C11orf97: variants seen among roughly 807,000 people sequenced by gnomAD.
C11orf97 encodes the protein uncharacterized protein C11orf97.
Under a neutral mutation model 16.2 loss-of-function variants are expected in C11orf97, and 15 were observed. The ratio of observed to expected loss-of-function variants is 0.93; its 90% CI spans 0.62 to 1.43. C11orf97 has a LOEUF of 1.43. Among genes scored for constraint, C11orf97 ranks in the 40% most tolerant of loss-of-function variants. The pLI, the probability that C11orf97 is intolerant of heterozygous loss-of-function variation, is 0.00. For synonymous variants in C11orf97, 61 were observed against 65.7 expected (o/e 0.93, Z 0.34); for missense variants, 171 against 161.2 (o/e 1.06, Z -0.33).
At chr11:94,512,785 G>A in intron 1 of C11orf97, 112 bp downstream of exon 1, 2 of 1,131,086 alleles carry the variant, frequency 1.8e-6, no homozygotes, top group Non-Finnish European at 2.2e-6. Flanking sequence ...TGGGGCAGGG[G>A]AGGTGGAGCT....
chr11:94,514,454 A>G (rs1184293011), intron 1 of C11orf97, among the ~76,000 whole-genome samples: 1 of 152,122 alleles, frequency 6.6e-6, no homozygotes, highest in East Asian at 1.9e-4. Context: ...GTCTGTAATT[A>G]TTGGAAAAGT....
intron 1 of C11orf97, among the ~76,000 whole-genome samples, chr11:94,516,244 G>C (rs1947610652): frequency 6.6e-6 from 1 of 152,106 alleles, no homozygotes; most frequent in Non-Finnish European, 1.5e-5. Context: ...GTTGTTTATT[G>C]ATTAGTCTGG....
chr11:94,512,944 AACAC>A lies in C11orf97; in HGVS notation c.145+291_145+294del, dbSNP rs10560506. 3.3e-3 allele frequency among the ~76,000 whole-genome samples: 500 copies of A among 150,484 alleles called. 1 individual carries two copies. Among genetic ancestry groups the A allele is most frequent in the African/African-American group, 0.011 (444 of 41,074 alleles). ...TAGTGGCGTTATTCTGAAAGGAATT[AACAC>A]ACACACACACACACACACATTTATA... On this transcript the variant is annotated intron_variant, in intron 1 of 3. Transcript: ENST00000542198.
intron 3 of C11orf97, among the ~76,000 whole-genome samples, chr11:94,530,066 A>C (rs960943895): frequency 1.3e-5 from 2 of 152,230 alleles, no homozygotes; most frequent in Non-Finnish European, 2.9e-5. Context: ...TTAAAGACAT[A>C]CAAGTCCAAT....
In C11orf97 at chr11:94,531,978, T is replaced by A. The variant is rs1162966646; in HGVS notation, c.*78T>A. 2 of 1,263,962 alleles carry A rather than the reference T, an allele frequency of 1.6e-6. No homozygotes were observed. The highest frequency in any genetic ancestry group is 2.1e-6 in the Non-Finnish European group (2 of 951,194). 78.3% of individuals were successfully genotyped at this position (1,263,962 alleles called of 1,614,324 possible). The stretch of plus-strand genomic sequence containing the variant: ...AACGGAGAAGAAACTCAAGCTTGTT[T>A]CAGGATTTAAGATGTGTGCAAAAAA... On this transcript the variant is annotated 3_prime_UTR_variant, in exon 4 of 4. Coordinates refer to ENST00000542198, the MANE Select transcript of C11orf97 (RefSeq NM_001190462.2).
At chr11:94,515,596 CTTTT>C (rs143387940) in intron 1 of C11orf97, among the ~76,000 whole-genome samples, 2 of 149,146 alleles carry the variant, frequency 1.3e-5, no homozygotes, top group Non-Finnish European at 1.5e-5. Context: ...TCCCTTTCTC[CTTTT>C]TTTTCCTTTT....
chr11:94,521,044 C>G (rs1947653627), intron 2 of C11orf97, among the ~76,000 whole-genome samples: 1 of 152,138 alleles, frequency 6.6e-6, no homozygotes, highest in African/African-American at 2.4e-5. Context: ...CCATTTTCAC[C>G]CCTCAGGACA....
chr11:94,517,916 G>A (rs781411884), intron 2 of C11orf97, among the ~76,000 whole-genome samples: 8 of 152,032 alleles, frequency 5.3e-5, no homozygotes, highest in East Asian at 1.9e-4. Flanking sequence ...TTGGGAGGCC[G>A]AGGTGGATGG....
chr11:94,515,813 T>C (rs1947607635), intron 1 of C11orf97, among the ~76,000 whole-genome samples: 1 of 152,136 alleles, frequency 6.6e-6, no homozygotes, highest in Admixed American at 6.5e-5. Flanking sequence ...ACTCTCCCAA[T>C]TACCACAATT....
intron 1 of C11orf97, among the ~76,000 whole-genome samples, chr11:94,516,807 G>A (rs1324532137): frequency 6.6e-6 from 1 of 152,176 alleles, no homozygotes; most frequent in African/African-American, 2.4e-5. Flanking sequence ...GAGAAAGGCA[G>A]CTCAGGTAGC....
intron 2 of C11orf97, among the ~76,000 whole-genome samples, chr11:94,519,351 A>C (rs2135179610): frequency 6.6e-6 from 1 of 152,350 alleles, no homozygotes; most frequent in African/African-American, 2.4e-5. Context: ...TTTTGAACTT[A>C]ATGAATGGAT....
At chr11:94,520,506 C>T (rs1947649790) in intron 2 of C11orf97, among the ~76,000 whole-genome samples, 1 of 152,168 alleles carries the variant, frequency 6.6e-6, no homozygotes, top group South Asian at 2.1e-4. Context: ...ATACTTTTCC[C>T]CTTAAATCCC....
At chr11:94,522,712 C>T (rs75311003) in intron 2 of C11orf97, among the ~76,000 whole-genome samples, 2,349 of 152,286 alleles carry the variant, frequency 0.015, 63 homozygotes, top group African/African-American at 0.054. Flanking sequence ...GTGAGGGGTA[C>T]CTTAGTTTGG....
chr11:94,521,121 A>G (rs1173379924), intron 2 of C11orf97, among the ~76,000 whole-genome samples: 5 of 152,192 alleles, frequency 3.3e-5, no homozygotes, highest in Admixed American at 2.0e-4. Context: ...TGCATATGCC[A>G]TCTTCTCAGA....
chr11:94,514,364 A>G (rs1275730109), intron 1 of C11orf97, among the ~76,000 whole-genome samples: 1 of 152,196 alleles, frequency 6.6e-6, no homozygotes, highest in Non-Finnish European at 1.5e-5. Flanking sequence ...AGCCTCCCTC[A>G]GAACCTCCTT....
intron 1 of C11orf97, among the ~76,000 whole-genome samples, chr11:94,514,909 T>C (rs539472694): frequency 1.3e-5 from 2 of 152,074 alleles, no homozygotes; most frequent in Non-Finnish European, 1.5e-5. Context: ...CCTCCCAAAA[T>C]GTTGGGATTA....
chr11:94,519,244 T>C (rs1565252701), intron 2 of C11orf97, among the ~76,000 whole-genome samples: 1 of 152,176 alleles, frequency 6.6e-6, no homozygotes, highest in Non-Finnish European at 1.5e-5. Context: ...AGAAACTCCT[T>C]TGGGTCTTCT....
chr11:94,518,049 T>C (rs908682934), intron 2 of C11orf97, among the ~76,000 whole-genome samples: 18 of 148,762 alleles, frequency 1.2e-4, no homozygotes, highest in Admixed American at 1.0e-3. Context: ...CTCGGGAGGC[T>C]GAGGCAGAAG....
At chr11:94,524,923 G>A (rs1450672990) in intron 2 of C11orf97, among the ~76,000 whole-genome samples, 1 of 151,970 alleles carries the variant, frequency 6.6e-6, no homozygotes, top group African/African-American at 2.4e-5. Flanking sequence ...GCCAGGCATG[G>A]TAGTGTGCAC....
Sources: allele counts gnomAD v4.1 joint callset (sites outside exome capture counted in the v4.1 genomes callset), GRCh38; gene constraint gnomAD v4.1.1; transcripts MANE v1.5; gene names NCBI Gene and HGNC (gene_info 2026-07-23, HGNC 2026-07-21).